Variants in TRAPPC9 observed in about 807,000 individuals in gnomAD.
TRAPPC9 encodes the protein trafficking protein particle complex subunit 9, also known as IKK2 binding protein.
Under a neutral mutation model 124.0 loss-of-function variants are expected in TRAPPC9, and 83 were observed. That is an observed-to-expected ratio of 0.67 (90% CI 0.56 to 0.80). The LOEUF (loss-of-function observed/expected upper bound fraction) is 0.80, where lower values mean the gene tolerates loss of function less well. Ranked by LOEUF, TRAPPC9 falls within the 30% of genes least tolerant of loss-of-function variation. The probability of loss-of-function intolerance (pLI) is 0.00; values close to 1 mark genes in which losing one functional copy is unlikely to be tolerated. For synonymous variants in TRAPPC9, 638 were observed against 617.5 expected (o/e 1.03, Z -0.49); for missense variants, 1,302 against 1,508.3 (o/e 0.86, Z 2.27).
intron 19 of TRAPPC9, among the ~76,000 whole-genome samples, chr8:139,921,689 A>T (rs1832512334): frequency 6.8e-6 from 1 of 147,708 alleles, no homozygotes; most frequent in Admixed American, 6.8e-5. Context: ...TAGTGCATGC[A>T]GGCCAGCCAG....
chr8:139,979,294 G>A (rs1447079541), intron 19 of TRAPPC9, among the ~76,000 whole-genome samples: 7 of 152,090 alleles, frequency 4.6e-5, no homozygotes, highest in Non-Finnish European at 1.0e-4. Context: ...ACCTGCCCCA[G>A]GAAGGAGGGG....
chr8:140,331,708 G>A (rs776696669), intron 9 of TRAPPC9, among the ~76,000 whole-genome samples: 3 of 151,920 alleles, frequency 2.0e-5, no homozygotes, highest in Non-Finnish European at 2.9e-5. Flanking sequence ...ATACAAAATG[G>A]CTAACAGGTA....
chr8:139,864,582 G>C (rs1332278926), intron 21 of TRAPPC9, among the ~76,000 whole-genome samples: 2 of 152,152 alleles, frequency 1.3e-5, no homozygotes, highest in Non-Finnish European at 2.9e-5. Flanking sequence ...TCCTGGCTAG[G>C]GGACTGCAGA....
chr8:139,753,072 C>CCA (rs1819455524), intron 21 of TRAPPC9, among the ~76,000 whole-genome samples: 2 of 142,306 alleles, frequency 1.4e-5, no homozygotes, highest in Admixed American at 1.3e-4. Context: ...ACCCACCCAT[C>CCA]TATCCATCCA....
intron 17 of TRAPPC9, among the ~76,000 whole-genome samples, chr8:140,193,724 T>C (rs1225356363): frequency 6.6e-6 from 1 of 150,876 alleles, no homozygotes; most frequent in Non-Finnish European, 1.5e-5. Context: ...CCCGCTGTGC[T>C]AATGGGAAGA....
rs1169648383 is a variant in TRAPPC9 at position 140,182,974 on chromosome 8, C to A, written c.2556+38485G>T. Reference sequence around the variant, plus strand: ...ATTACCTTCCAAAATAAACTAGAAGCCTCCATATACATCACCTCCCTTATT... The same window carrying A: ...ATTACCTTCCAAAATAAACTAGAAGACTCCATATACATCACCTCCCTTATT... On this transcript the variant is annotated intron_variant, in intron 17 of 22. Coordinates refer to ENST00000438773, the MANE Select transcript of TRAPPC9 (RefSeq NM_001160372.4). This position sits in a 1 kb window ranked among gnomAD's most constrained non-coding sequence, Gnocchi z 4.0. Among the ~76,000 whole-genome samples the A allele has an allele frequency of 1.3e-5, 2 of 152,040 alleles. No homozygotes were observed. Among genetic ancestry groups the A allele is most frequent in the Admixed American group, 6.6e-5 (1 of 15,262 alleles).
intron 21 of TRAPPC9, among the ~76,000 whole-genome samples, chr8:139,766,494 A>G (rs1176589364): frequency 1.3e-5 from 2 of 152,148 alleles, no homozygotes; most frequent in Non-Finnish European, 2.9e-5. Flanking sequence ...TGATTCCCCA[A>G]ATGCAAGTTG....
chr8:140,114,755 C>A (rs1413585063), intron 17 of TRAPPC9, among the ~76,000 whole-genome samples: 2 of 152,102 alleles, frequency 1.3e-5, no homozygotes, highest in African/African-American at 4.8e-5. Context: ...ACCGCAAAGC[C>A]TCCTCGGAAA....
At chr8:139,789,684 G>T (rs1380879423) in intron 21 of TRAPPC9, among the ~76,000 whole-genome samples, 5 of 152,180 alleles carry the variant, frequency 3.3e-5, no homozygotes, top group African/African-American at 1.2e-4. Context: ...GCTCCCGAGT[G>T]CCCTGTGCTG....
At chr8:140,162,742 C>T (rs2061772612) in intron 17 of TRAPPC9, among the ~76,000 whole-genome samples, 1 of 152,212 alleles carries the variant, frequency 6.6e-6, no homozygotes, top group African/African-American at 2.4e-5. Flanking sequence ...GTTCCCAGCA[C>T]TTTGGGAGGC....
intron 13 of TRAPPC9, among the ~76,000 whole-genome samples, chr8:140,285,290 C>T (rs2065451678): frequency 6.6e-6 from 1 of 152,160 alleles, no homozygotes; most frequent in African/African-American, 2.4e-5. Context: ...CTCCTCGTTA[C>T]TCCTCTCTCA....
At chr8:140,433,566 G>C (rs952628666) in intron 4 of TRAPPC9, among the ~76,000 whole-genome samples, 7 of 152,248 alleles carry the variant, frequency 4.6e-5, no homozygotes, top group African/African-American at 1.4e-4. Context: ...CTCCAGCCCA[G>C]GTGACAGAGC....
intron 17 of TRAPPC9, among the ~76,000 whole-genome samples, chr8:140,082,818 G>A (rs75584651): frequency 0.018 from 2,756 of 152,260 alleles, 92 homozygotes; most frequent in African/African-American, 0.063. Flanking sequence ...CAGACAAGGG[G>A]CATCCTCAAA....
At chr8:139,921,940 G>C (rs1832533505) in intron 19 of TRAPPC9, among the ~76,000 whole-genome samples, 1 of 147,092 alleles carries the variant, frequency 6.8e-6, no homozygotes, top group Admixed American at 6.8e-5. Context: ...CCCAACACCA[G>C]CCTCATCCAG....
At chr8:139,921,609 G>A (rs1490151117) in intron 19 of TRAPPC9, among the ~76,000 whole-genome samples, 1 of 152,090 alleles carries the variant, frequency 6.6e-6, no homozygotes, top group Non-Finnish European at 1.5e-5. Flanking sequence ...GAGCTGGCAG[G>A]TAGAGGGCTG....
At chr8:140,382,735 A>G (rs939495023) in intron 7 of TRAPPC9, among the ~76,000 whole-genome samples, 1 of 152,246 alleles carries the variant, frequency 6.6e-6, no homozygotes, top group Non-Finnish European at 1.5e-5. Context: ...CTCTGGGGAC[A>G]GGGCATAGCC....
intron 17 of TRAPPC9, among the ~76,000 whole-genome samples, chr8:140,149,158 T>C (rs2061503953): frequency 6.6e-6 from 1 of 151,732 alleles, no homozygotes; most frequent in Non-Finnish European, 1.5e-5. Context: ...GCATCCGAGA[T>C]GTCACCCTCT....
chr8:139,779,763 T>G (rs1225534203), intron 21 of TRAPPC9, among the ~76,000 whole-genome samples: 15 of 151,834 alleles, frequency 9.9e-5, no homozygotes, highest in Non-Finnish European at 5.9e-5. Context: ...GGTTGTCTAT[T>G]AGAAAATCTA....
At chr8:140,219,545 A>T (rs902437071) in intron 17 of TRAPPC9, among the ~76,000 whole-genome samples, 3 of 152,104 alleles carry the variant, frequency 2.0e-5, no homozygotes, top group Non-Finnish European at 2.9e-5. Context: ...CCTCACCACA[A>T]CCAATGACCC....
Sources: allele counts gnomAD v4.1 joint callset (sites outside exome capture counted in the v4.1 genomes callset), GRCh38; gene constraint gnomAD v4.1.1; non-coding constraint Gnocchi (gnomAD v3.1); transcripts MANE v1.5; gene names NCBI Gene and HGNC (gene_info 2026-07-23, HGNC 2026-07-21).